Variants in ITM2B observed in about 807,000 individuals in gnomAD.
ITM2B encodes ABri/ADan amyloid peptide.
In ITM2B, 11 loss-of-function variants were observed where a neutral mutation model predicts 27.8. The ratio of observed to expected loss-of-function variants is 0.40; its 90% confidence interval spans 0.25 to 0.66. The LOEUF is 0.66. ITM2B is among the 30% of genes least tolerant of loss of function. The pLI is 0.43. For synonymous variants in ITM2B, 114 were observed against 114.3 expected, an observed-to-expected ratio of 1.00 and a Z score of 0.02; for missense variants, 296 against 328.9, an observed-to-expected ratio of 0.90 and a Z score of 0.77.
rs1951868732 is a variant in ITM2B, at chr13:48,268,928, A to G, written c.*7704A>G. 1.3e-5 allele frequency: 2 copies of G among 152,218 alleles called. No individual in the cohort carries two copies. The highest frequency in any genetic ancestry group is 2.1e-4 in the South Asian group (1 of 4,828). The allele number at this position is 152,218 out of a possible 1,614,324, so 9.4% of individuals were successfully genotyped here. A position where few individuals can be genotyped will look rare whatever the true frequency, so the allele number is the denominator to read the frequency against. On this transcript the variant is annotated 3_prime_UTR_variant, in exon 6 of 6. Transcript: ENST00000647800. ...ATAAATTTCAGTTTCTCATTGTTTT[A>G]GAATGGAAGGTCTAACCAAATATGT... is the stretch of plus-strand genomic sequence containing the variant.
At chr13:48,237,474 G>A (rs978614969) in intron 1 of ITM2B, among the ~76,000 whole-genome samples, 1 of 152,162 alleles carries the variant, frequency 6.6e-6, no homozygotes, top group Admixed American at 6.6e-5. Flanking sequence ...GCACAGGATT[G>A]TAGTCTTCCC....
At chr13:48,260,134 T>C (rs1951813217) in intron 5 of ITM2B, among the ~76,000 whole-genome samples, 1 of 152,160 alleles carries the variant, frequency 6.6e-6, no homozygotes, top group South Asian at 2.1e-4. Context: ...TTGCTGAGAA[T>C]GATGGTTTCC....
chr13:48,265,434 G>A lies in ITM2B; in HGVS notation c.*4210G>A, dbSNP rs973613233. ...CAGTCACTGTGTCCTCCACCTCCTA[G>A]CAGCTTCCTGCTGTTCTGCTCTAGT... is the stretch of plus-strand genomic sequence containing the variant. On this transcript the variant is annotated 3_prime_UTR_variant, in exon 6 of 6. Transcript: ENST00000647800. 1 of 152,332 alleles carries A rather than the reference G, an allele frequency of 6.6e-6. No individual in the cohort carries two copies. The highest frequency in any genetic ancestry group is 1.5e-5 in the Non-Finnish European group (1 of 68,068). 9.4% of individuals were successfully genotyped at this position (152,332 alleles called of 1,614,324 possible).
chr13:48,238,552 A>T (rs1187667712), intron 1 of ITM2B, among the ~76,000 whole-genome samples: 1 of 152,202 alleles, frequency 6.6e-6, no homozygotes, highest in Non-Finnish European at 1.5e-5. Context: ...CTGATAAGTT[A>T]CCAGCAATAA....
intron 1 of ITM2B, among the ~76,000 whole-genome samples, chr13:48,243,653 A>C (rs1489634700): frequency 1.3e-5 from 2 of 151,870 alleles, no homozygotes; most frequent in African/African-American, 4.8e-5. Context: ...CCACCTCCAC[A>C]AAAAAATTTA....
chr13:48,267,105 C>CA lies in ITM2B; in HGVS notation c.*5887dup, dbSNP rs1453248088. 6.6e-6 allele frequency: 1 copy of CA among 152,128 alleles called. No homozygotes were observed. The highest frequency in any genetic ancestry group is 1.5e-5 in the Non-Finnish European group (1 of 68,028). 9.4% of individuals were successfully genotyped at this position (152,128 alleles called of 1,614,324 possible). ...GTCTTAAAAGTCCGGGAGTCCTGCA[C>CA]AAAAAATTACTGCCCTTCTTGATTT... On this transcript the variant is annotated 3_prime_UTR_variant, in exon 6 of 6. Transcript: ENST00000647800.
At chr13:48,235,664 G>C (rs1232806580) in intron 1 of ITM2B, among the ~76,000 whole-genome samples, 1 of 152,138 alleles carries the variant, frequency 6.6e-6, no homozygotes, top group Non-Finnish European at 1.5e-5. Context: ...GCTCCTTGCG[G>C]GTGGCTCTGT....
chr13:48,269,502 T>C lies in ITM2B; in HGVS notation c.*8278T>C, dbSNP rs565358178. 1.3e-5 allele frequency: 2 copies of C among 152,404 alleles called. No homozygotes were observed. The highest frequency in any genetic ancestry group is 2.1e-4 in the South Asian group (1 of 4,820). 9.4% of individuals were successfully genotyped at this position (152,404 alleles called of 1,614,324 possible). A position where few individuals can be genotyped will look rare whatever the true frequency, so the allele number is the denominator to read the frequency against. On this transcript the variant is annotated 3_prime_UTR_variant, in exon 6 of 6. Transcript: ENST00000647800. ...AGTCGAACAATGCCCTACCTGTAGG[T>C]AATCTAGGCCTCCAAAGCTCTTCTT...
At chr13:48,259,018 T>C in intron 5 of ITM2B, 71 bp downstream of exon 5, 1 of 1,144,988 alleles carries the variant, frequency 8.7e-7, no homozygotes, top group Non-Finnish European at 1.3e-6. Flanking sequence ...AGGTGAAGCC[T>C]AGTCATTGTT....
At chr13:48,255,242 TGTGTGTGTGTGTGCGCGCGCGTGTGC>T (rs1422247112) in intron 2 of ITM2B, among the ~76,000 whole-genome samples, 3 of 151,652 alleles carry the variant, frequency 2.0e-5, no homozygotes, top group Admixed American at 2.0e-4. Context: ...TGTGTGTGTG[TGTGTGTGTGTGTGCGCGCGCGTGTGC>T]GTGCGCGCAC....
intron 1 of ITM2B, 125 bp from the exon 2 acceptor site, chr13:48,253,683 A>G: frequency 3.1e-6 from 3 of 975,826 alleles, no homozygotes; most frequent in South Asian, 2.7e-5. Flanking sequence ...TTGATGAGAG[A>G]CACAACTCCT....
intron 1 of ITM2B, among the ~76,000 whole-genome samples, chr13:48,250,578 A>G (rs1951750238): frequency 6.6e-6 from 1 of 151,874 alleles, no homozygotes; most frequent in African/African-American, 2.4e-5. Context: ...AGATCGCGCC[A>G]CTGCACTCCA....
chr13:48,234,951 T>C (rs1187106387), intron 1 of ITM2B, among the ~76,000 whole-genome samples: 1 of 152,214 alleles, frequency 6.6e-6, no homozygotes, highest in Admixed American at 6.5e-5. Context: ...GTACCTAAAA[T>C]AGATTGAGAG....
At chr13:48,243,564 C>A (rs1296707935) in intron 1 of ITM2B, among the ~76,000 whole-genome samples, 2 of 152,028 alleles carry the variant, frequency 1.3e-5, no homozygotes, top group Admixed American at 1.3e-4. Context: ...CATGGTGGCT[C>A]ACGTCTATAA....
chr13:48,243,217 T>G (rs1250394586), intron 1 of ITM2B, among the ~76,000 whole-genome samples: 1 of 152,232 alleles, frequency 6.6e-6, no homozygotes, highest in Non-Finnish European at 1.5e-5. Flanking sequence ...ACCAACTTTG[T>G]AGTTTTGCTT....
intron 1 of ITM2B, among the ~76,000 whole-genome samples, chr13:48,242,410 T>TTTCTTTC (rs57469625): frequency 7.1e-6 from 1 of 140,816 alleles, no homozygotes; most frequent in African/African-American, 3.0e-5. Context: ...TCTTTCTTTC[T>TTTCTTTC]TTTTTTTTTG....
Position 48,266,299 on chromosome 13 carries a change from G to C in ITM2B, c.*5075G>C, listed in dbSNP as rs1951853240. 1.3e-5 allele frequency: 2 copies of C among 152,132 alleles called. No individual in the cohort carries two copies. The highest frequency in any genetic ancestry group is 4.8e-5 in the African/African-American group (2 of 41,386). The allele number at this position is 152,132 out of a possible 1,614,324, so 9.4% of individuals were successfully genotyped here. ...CTCATATAAGCTTGCAGCCCTGCCT[G>C]AAACAGTTGTCTCTGTCCCCACTCT... On this transcript the variant is annotated 3_prime_UTR_variant, in exon 6 of 6. Coordinates refer to ENST00000647800, the MANE Select transcript of ITM2B (RefSeq NM_021999.5).
At position 48,258,573 on chromosome 13, in the gene ITM2B, G is replaced by A. The variant is rs1386592343; in HGVS notation, c.565-224G>A. Among the ~76,000 whole-genome samples the A allele has an allele frequency of 3.9e-5, 6 of 152,142 alleles. No homozygotes were observed. In the South Asian group the frequency reaches 1.2e-3, roughly 32 times the overall value. ...AAACAAGCCGGGGGCGGTGGCTCAT[G>A]CCTGTAATCCCAGGACTTTGGGAGA... On this transcript the variant is annotated intron_variant, in intron 4 of 5. Coordinates refer to ENST00000647800, the MANE Select transcript of ITM2B (RefSeq NM_021999.5).
intron 1 of ITM2B, among the ~76,000 whole-genome samples, chr13:48,234,503 TTTAAC>T (rs1381734706): frequency 6.6e-6 from 1 of 152,130 alleles, no homozygotes; most frequent in Non-Finnish European, 1.5e-5. Context: ...TAAATTTAGT[TTTAAC>T]TTAAAAAAAT....
Sources: allele counts gnomAD v4.1 joint callset (sites outside exome capture counted in the v4.1 genomes callset), GRCh38; gene constraint gnomAD v4.1.1; transcripts MANE v1.5; gene names NCBI Gene and HGNC (gene_info 2026-07-23, HGNC 2026-07-21).